DMD: variants seen among roughly 807,000 people sequenced by gnomAD.
DMD encodes the protein dystrophin.
Under a neutral mutation model 330.1 loss-of-function variants are expected in DMD, and 63 were observed. The observed-to-expected ratio is 0.19, with a 90% confidence interval of 0.16 to 0.24. The LOEUF is 0.24. DMD is among the 10% of genes least tolerant of loss of function. DMD has a pLI of 1.00. For missense variants in DMD, 3,344 were observed against 2,684.1 expected, an observed-to-expected ratio of 1.25 and a Z score of -5.43; for synonymous variants, 1,223 against 959.8, an observed-to-expected ratio of 1.27 and a Z score of -5.07.
chrX:31,627,689 A>G lies in DMD; in HGVS notation c.8201T>C (p.Leu2734Pro). ...LLEDSKGVKE[L>P]MKQWQDLQGE... ...CTGACTTACTTGCCATTGTTTCATC[A>G]GCTCTTTTACTCCCTTGGAGTCTTC... The change falls in exon 55 of 79, where the codon CTG becomes CCG. Residue 2734 changes from leucine (L) to proline (P), a missense_variant. By Grantham distance (98) the Leu-to-Pro change is moderately conservative. Coordinates refer to ENST00000357033, the MANE Select transcript of DMD (RefSeq NM_004006.3). The G allele has an allele frequency of 8.3e-7, 1 of 1,211,398 alleles. No homozygotes were observed. The highest frequency in any genetic ancestry group is 1.8e-5 in the South Asian group (1 of 56,970).
chrX:31,321,607 A>AAAAAAAAAAAAAAAAAAAAG (rs1388525572), intron 62 of DMD, among the ~76,000 whole-genome samples: 2 of 89,284 alleles, frequency 2.2e-5, no homozygotes, highest in African/African-American at 1.2e-4. Context: ...AAAAAAAAAA[A>AAAAAAAAAAAAAAAAAAAAG]AAAGAAAGAA....
intron 44 of DMD, among the ~76,000 whole-genome samples, chrX:32,121,982 T>G (rs1289469237): frequency 9.1e-6 from 1 of 110,422 alleles, no homozygotes; most frequent in Non-Finnish European, 1.9e-5. Flanking sequence ...AATGGTGAAC[T>G]AGGGACAAAG....
intron 49 of DMD, among the ~76,000 whole-genome samples, chrX:31,830,502 G>C (rs2092998916): frequency 8.9e-6 from 1 of 111,935 alleles, no homozygotes; most frequent in African/African-American, 3.2e-5. Context: ...GCTGAGGCAG[G>C]AGAATCGCTT....
At chrX:31,837,039 A>G (rs990055109) in intron 48 of DMD, among the ~76,000 whole-genome samples, 1 of 111,985 alleles carries the variant, frequency 8.9e-6, no homozygotes, top group African/African-American at 3.2e-5. Flanking sequence ...GAATTATATA[A>G]TACTCATATA....
intron 18 of DMD, among the ~76,000 whole-genome samples, chrX:32,506,423 A>G (rs2044632346): frequency 9.1e-6 from 1 of 109,578 alleles, no homozygotes; most frequent in Non-Finnish European, 1.9e-5. Flanking sequence ...AAAATGCTAA[A>G]AAAAAAAAAA....
At chrX:32,780,943 A>T (rs1028177227) in intron 7 of DMD, among the ~76,000 whole-genome samples, 1 of 106,296 alleles carries the variant, frequency 9.4e-6, no homozygotes, top group African/African-American at 3.5e-5. Context: ...TAAAAAAAAA[A>T]TAAAAAAAAA....
intron 44 of DMD, among the ~76,000 whole-genome samples, chrX:32,180,875 A>G (rs745584550): frequency 9.9e-5 from 11 of 110,823 alleles, no homozygotes; most frequent in African/African-American, 3.3e-4. Flanking sequence ...TGATTCAGTT[A>G]CCTCCACCTG....
intron 1 of DMD, among the ~76,000 whole-genome samples, chrX:33,127,680 AC>A (rs1038603346): frequency 1.5e-4 from 13 of 84,924 alleles, no homozygotes; most frequent in African/African-American, 5.5e-4. Flanking sequence ...TATATGTGAA[AC>A]ACAGGTTTTT....
intron 1 of DMD, among the ~76,000 whole-genome samples, chrX:33,078,578 C>T (rs2094879010): frequency 8.9e-6 from 1 of 111,946 alleles, no homozygotes; most frequent in African/African-American, 3.2e-5. Flanking sequence ...CAATGTTTAA[C>T]ACATCAGTTT....
chrX:31,761,963 A>G (rs974579949), intron 51 of DMD, among the ~76,000 whole-genome samples: 25 of 112,325 alleles, frequency 2.2e-4, no homozygotes, highest in African/African-American at 8.1e-4. Flanking sequence ...TTCTGTTCAG[A>G]CTAGCAAGGT....
intron 2 of DMD, among the ~76,000 whole-genome samples, chrX:32,915,144 G>A (rs2087674170): frequency 1.0e-5 from 1 of 97,823 alleles, no homozygotes; most frequent in South Asian, 4.0e-4. Context: ...CTATCCCAAA[G>A]TTGGGGGGAC....
At chrX:32,064,926 C>G (rs748990615) in intron 44 of DMD, among the ~76,000 whole-genome samples, 1 of 111,189 alleles carries the variant, frequency 9.0e-6, no homozygotes, top group South Asian at 3.7e-4. Context: ...TTCAGCTGAT[C>G]CTTTAAACAT....
rs1491429740 is a variant in DMD at position 31,178,446 on chromosome X, TTC to T, written c.10223+221_10223+222del. 5.3e-6 allele frequency: 5 copies of T among 934,922 alleles called. No individual in the cohort carries two copies. The Admixed American group carries it at 1.6e-4, about 29-fold the overall frequency. The allele number at this position is 934,922 out of a possible 1,213,427, so 77.0% of individuals were successfully genotyped here. ...ATTGTGTTGTGGTTTTTTTTTTTTT[TTC>T]CCCCTGTGAGATAAAGTTTAACTTT... On this transcript the variant is annotated intron_variant, in intron 70 of 78. Transcript: ENST00000357033.
intron 37 of DMD, among the ~76,000 whole-genome samples, chrX:32,358,631 A>T (rs2097817186): frequency 8.9e-6 from 1 of 111,876 alleles, no homozygotes; most frequent in Non-Finnish European, 1.9e-5. Flanking sequence ...TGTGGGACAA[A>T]CATAACTCCT....
At chrX:31,470,119 G>A (rs1479783791) in intron 59 of DMD, among the ~76,000 whole-genome samples, 4 of 110,371 alleles carry the variant, frequency 3.6e-5, no homozygotes, top group African/African-American at 9.9e-5. Flanking sequence ...GTTAGAACAC[G>A]CTCCTTTAGC....
intron 52 of DMD, among the ~76,000 whole-genome samples, chrX:31,707,826 A>T (rs996220433): frequency 1.2e-4 from 13 of 111,261 alleles, no homozygotes; most frequent in Non-Finnish European, 2.1e-4. Flanking sequence ...CTATGAATTA[A>T]GGACACTAAG....
chrX:31,718,911 G>A (rs2085264306), intron 52 of DMD, among the ~76,000 whole-genome samples: 1 of 112,000 alleles, frequency 8.9e-6, no homozygotes, highest in Non-Finnish European at 1.9e-5. Context: ...TTTTACAGAT[G>A]AGAAAATTAA....
At chrX:31,606,335 A>G (rs966689831) in intron 55 of DMD, among the ~76,000 whole-genome samples, 3 of 112,100 alleles carry the variant, frequency 2.7e-5, no homozygotes, top group South Asian at 3.7e-4. Context: ...TTTAAGCAAC[A>G]TAAGTACTGA....
rs376080503 is a variant in DMD, at chrX:32,806,230, T to C, written c.649+3263A>G. On this transcript the variant is annotated intron_variant, in intron 7 of 78. Coordinates refer to ENST00000357033, the MANE Select transcript of DMD (RefSeq NM_004006.3). ...CACACATAGGCTCAAAATAAAAGGA[T>C]AGAGGAATATTTACCAAGCAAATGG... 5.0e-3 allele frequency among the ~76,000 whole-genome samples: 554 copies of C among 109,968 alleles called. 2 individuals are homozygous for C. The highest frequency in any genetic ancestry group is 0.017 in the African/African-American group (509 of 29,830).
Sources: allele counts gnomAD v4.1 joint callset (sites outside exome capture counted in the v4.1 genomes callset), GRCh38; gene constraint gnomAD v4.1.1; transcripts MANE v1.5; gene names NCBI Gene and HGNC (gene_info 2026-07-23, HGNC 2026-07-21).